The following NBEAL2 variants were observed in gnomAD, a reference collection of about 807,000 sequenced individuals.
The protein encoded by NBEAL2 is neurobeachin like 2.
In NBEAL2, 160 loss-of-function variants were observed where a neutral mutation model predicts 299.8. That is an observed-to-expected ratio of 0.53 (90% CI 0.47 to 0.61). The LOEUF (loss-of-function observed/expected upper bound fraction) is 0.61, where lower values mean the gene tolerates loss of function less well. NBEAL2 is among the 20% of genes least tolerant of loss of function. The pLI, the probability that NBEAL2 is intolerant of heterozygous loss-of-function variation, is 0.00. For missense variants in NBEAL2, 3,112 were observed against 3,649.0 expected (o/e 0.85, Z 3.79); for synonymous variants, 1,493 against 1,542.3 (o/e 0.97, Z 0.75).
At chr3:46,984,183 G>A (rs1228866125) in intron 1 of NBEAL2, among the ~76,000 whole-genome samples, 2 of 151,906 alleles carry the variant, frequency 1.3e-5, no homozygotes, top group African/African-American at 2.4e-5. Context: ...GCGAGTGCCT[G>A]TAGTCCCAGC....
chr3:46,981,064 C>A (rs1263105617), intron 1 of NBEAL2, among the ~76,000 whole-genome samples: 1 of 152,224 alleles, frequency 6.6e-6, no homozygotes, highest in Non-Finnish European at 1.5e-5. Flanking sequence ...CAGGCCCCAG[C>A]AGGAGGCCAG....
chr3:46,984,150 A>AAAAAC (rs1553655129), intron 1 of NBEAL2, among the ~76,000 whole-genome samples: 1 of 146,836 alleles, frequency 6.8e-6, no homozygotes, highest in African/African-American at 2.5e-5. Context: ...AAAAAAAAAA[A>AAAAAC]AAAAAATTAG....
rs1422296669 is a variant in NBEAL2 at position 47,000,954 on chromosome 3, C to T, written c.4306-47C>T. 6.4e-7 allele frequency: 1 copy of T among 1,555,532 alleles called. No individual in the cohort carries two copies. The highest frequency in any genetic ancestry group is 8.7e-7 in the Non-Finnish European group (1 of 1,149,700). On this transcript the variant is annotated intron_variant, in intron 27 of 53. Transcript: ENST00000450053. The surrounding 1 kb of genome is among the most constrained non-coding windows in gnomAD (Gnocchi z 4.5). ...GGTGGGCGTCAGCCTGATTCCCTCC[C>T]TTAGCCGCCCACAACCCACGCCCAC...
At chr3:46,984,218 A>G (rs371899617) in intron 1 of NBEAL2, among the ~76,000 whole-genome samples, 44 of 152,070 alleles carry the variant, frequency 2.9e-4, no homozygotes, top group African/African-American at 1.0e-3. Flanking sequence ...AGGCAGGAGA[A>G]TGGTGTGAAC....
rs2035405448 is a variant in NBEAL2, at chr3:46,982,371, T to C, written c.51+2459T>C. Among the ~76,000 whole-genome samples the C allele has an allele frequency of 6.6e-6, 1 of 151,850 alleles. No homozygotes were observed. Among genetic ancestry groups the C allele is most frequent in the African/African-American group, 2.4e-5 (1 of 41,340 alleles). ...CCCCAGTTGTGGGTCTGGGTGGGGA[T>C]GGAGAGGGGGGAGTAACTCCTTCCT... is the stretch of plus-strand genomic sequence containing the variant. On this transcript the variant is annotated intron_variant, in intron 1 of 53. Coordinates refer to ENST00000450053, the MANE Select transcript of NBEAL2 (RefSeq NM_015175.3). The surrounding 1 kb of genome is among the most constrained non-coding windows in gnomAD (Gnocchi z 4.2).
Position 47,004,317 on chromosome 3 carries a change from G to A in NBEAL2, c.6122G>A (p.Arg2041His), listed in dbSNP as rs374051242. The A allele has an allele frequency of 3.7e-6, 6 of 1,611,336 alleles. No homozygotes were observed. The highest frequency in any genetic ancestry group is 2.7e-5 in the African/African-American group (2 of 74,792). ...AACCAGGTGTACTCGTGGCTCCTGC[G>A]CCTACGGCCCCCCTCTCAAGGCTAC... ...VRNQVYSWLL[R>H]LRPPSQGYLS... The change falls in exon 37 of 54, where the codon CGC becomes CAC. Residue 2041 changes from arginine (R) to histidine (H), a missense_variant. Physicochemically the swap from Arg to His is conservative, Grantham distance 29 (BLOSUM62 0). Coordinates refer to ENST00000450053, the MANE Select transcript of NBEAL2 (RefSeq NM_015175.3). This position sits in a 1 kb window ranked among gnomAD's most constrained non-coding sequence, Gnocchi z 5.0.
At chr3:47,008,016 C>T in intron 49 of NBEAL2, 54 bp from the exon 50 acceptor site, 15 of 1,595,752 alleles carry the variant, frequency 9.4e-6, no homozygotes, top group Non-Finnish European at 1.3e-5. Flanking sequence ...TGGACAAGGC[C>T]TTCATTTCCT....
At position 46,995,463 on chromosome 3, in the gene NBEAL2, T is replaced by G. The variant is rs772273759; in HGVS notation, c.1728T>G (p.Arg576=). The G allele has an allele frequency of 8.7e-6, 14 of 1,612,872 alleles. No individual in the cohort carries two copies. The highest frequency in any genetic ancestry group is 1.3e-5 in the African/African-American group (1 of 75,070). ...SGMARHQGPA[R]ALRYFDLTPS... is the part of the protein sequence containing the mutation. Reference sequence around the variant, plus strand: ...TGGCCAGGCACCAGGGTCCTGCACGTGCTCTGCGCTACTTTGACCTCACGC... The same window carrying G: ...TGGCCAGGCACCAGGGTCCTGCACGGGCTCTGCGCTACTTTGACCTCACGC... Residue 576 remains arginine (R), a synonymous_variant, in exon 13 of 54, where the codon CGT becomes CGG. Coordinates refer to ENST00000450053, the MANE Select transcript of NBEAL2 (RefSeq NM_015175.3).
chr3:46,999,959 T>A lies in NBEAL2; in HGVS notation c.3860T>A (p.Val1287Glu). 1 of 1,611,996 alleles carries A rather than the reference T, an allele frequency of 6.2e-7. No homozygotes were observed. The highest frequency in any genetic ancestry group is 1.7e-5 in the Admixed American group (1 of 60,006). The stretch of plus-strand genomic sequence containing the variant: ...GCCCGACAGGCTGGCTGGCAAGATG[T>A]GCTGACCCGGCTATATGTCCTGGAG... ...LLARQAGWQD[V>E]LTRLYVLEAA... The change falls in exon 27 of 54, where the codon GTG becomes GAG. Residue 1287 changes from valine to glutamate, a missense_variant. By Grantham distance (121) the Val-to-Glu change is moderately radical. Coordinates refer to ENST00000450053, the MANE Select transcript of NBEAL2 (RefSeq NM_015175.3).
At chr3:46,987,856 T>C in intron 1 of NBEAL2, 1 of 291,836 alleles carries the variant, frequency 3.4e-6, no homozygotes, top group Non-Finnish European at 5.1e-6. Context: ...GCTTGCAGCC[T>C]CTCTCACTGG....
At position 47,002,173 on chromosome 3, in the gene NBEAL2, TG is replaced by T; in HGVS notation, c.5040del (p.Leu1681CysfsTer69). 1 of 1,533,728 alleles carries T rather than the reference TG, an allele frequency of 6.5e-7. No homozygotes were observed. Among genetic ancestry groups the T allele is most frequent in the Non-Finnish European group, 8.8e-7 (1 of 1,135,772 alleles). On this transcript the variant is annotated frameshift_variant, in exon 31 of 54. Coordinates refer to ENST00000450053, the MANE Select transcript of NBEAL2 (RefSeq NM_015175.3). LOFTEE classifies it high-confidence loss of function. ...CTGCTAGACCGTGCCTATGAGCCGC[TG>T]GGGCTGCAGTGGGGACTGCCCTCCC... ...RTLLDRAYEPLGLQWGLPSLP... is the reference protein window; with the variant it reads ...RTLLDRAYEPXGLQWGLPSLP...
Position 46,995,757 on chromosome 3 carries a change from G to A in NBEAL2, c.1942G>A (p.Ala648Thr), listed in dbSNP as rs767774441. 6.2e-7 allele frequency: 1 copy of A among 1,613,728 alleles called. No individual in the cohort carries two copies. Among genetic ancestry groups the A allele is most frequent in the Non-Finnish European group, 8.5e-7 (1 of 1,179,870 alleles). The part of the protein sequence containing the change: ...SGSGFEAFFT[A>T]AGTLVVAVCT... ...CTCAGGGTTTGAGGCCTTCTTCACG[G>A]CGGCCGGGACCCTGGTGGTGGCTGT... Residue 648 changes from alanine (A) to threonine (T), a missense_variant, in exon 14 of 54, where the codon GCG becomes ACG. Transcript: ENST00000450053.
At position 46,995,834 on chromosome 3, in the gene NBEAL2, C is replaced by T. The variant is rs758132376; in HGVS notation, c.2019C>T (p.Ala673=). ...TGAGTTTGCCCGAAGTGTCCTTTGC[C>T]GACTCTGCCTGGGTGAGACCCCATC... ...LTMSLPEVSF[A]DSAWHCVAIV... The change falls in exon 14 of 54, where the codon GCC becomes GCT. Residue 673 remains alanine (A), a synonymous_variant. Coordinates refer to ENST00000450053, the MANE Select transcript of NBEAL2 (RefSeq NM_015175.3). 36 of 1,613,814 alleles carry T rather than the reference C, an allele frequency of 2.2e-5. No homozygotes were observed. Among genetic ancestry groups the T allele is most frequent in the Non-Finnish European group, 2.9e-5 (34 of 1,179,848 alleles).
rs992998627 is a variant in NBEAL2, at chr3:46,989,743, G to A, written c.556+150G>A. 1 of 741,256 alleles carries A rather than the reference G, an allele frequency of 1.3e-6. No individual in the cohort carries two copies. The allele number at this position is 741,256 out of a possible 1,614,324, so 45.9% of individuals were successfully genotyped here. A position where few individuals can be genotyped will look rare whatever the true frequency, so the allele number is the denominator to read the frequency against. ...AAGACCAAGCAAGAGTTTAGGGACA[G>A]AGACAAGAGAAGACATCTTGGGCTG... is the stretch of plus-strand genomic sequence containing the variant. On this transcript the variant is annotated intron_variant, in intron 6 of 53. Transcript: ENST00000450053. The surrounding 1 kb of genome is among the most constrained non-coding windows in gnomAD (Gnocchi z 5.5).
chr3:47,007,426 G>A lies in NBEAL2; in HGVS notation c.7334+76G>A, dbSNP rs1454288585. ...AATTATTCCCCTCCCTAATCAGAAT[G>A]TAGGCCAGCTGCAGGGGAAAGGTCT... On this transcript the variant is annotated intron_variant, in intron 47 of 53. Coordinates refer to ENST00000450053, the MANE Select transcript of NBEAL2 (RefSeq NM_015175.3). The A allele has an allele frequency of 2.6e-6, 4 of 1,552,394 alleles. No individual in the cohort carries two copies. The East Asian group carries it at 9.6e-5, about 37-fold the overall frequency.
At position 47,006,185 on chromosome 3, in the gene NBEAL2, G is replaced by T. The variant is rs907373015; in HGVS notation, c.6940G>T (p.Val2314Leu). The T allele has an allele frequency of 6.2e-7, 1 of 1,613,806 alleles. No individual in the cohort carries two copies. The highest frequency in any genetic ancestry group is 1.3e-5 in the African/African-American group (1 of 74,928). The change falls in exon 44 of 54, where the codon GTG becomes TTG. Residue 2314 changes from valine to leucine, a missense_variant. This residue lies in a region of NBEAL2 where 521 missense variants were observed against 729.6 expected (regional missense o/e 0.71). Transcript: ENST00000450053. ...TYEGAVDLDH[V>L]TDERERKALE... ...CCCAGGGGCTGTAGACCTGGACCAT[G>T]TGACAGATGAGCGGGAACGGAAGGC...
intron 40 of NBEAL2, 43 bp downstream of exon 40, chr3:47,005,364 G>A: frequency 6.3e-7 from 1 of 1,590,078 alleles, no homozygotes; most frequent in Non-Finnish European, 8.6e-7. Flanking sequence ...GGCAGATAAG[G>A]GGAGGAGGCT....
rs935514823 is a variant in NBEAL2 at position 46,979,848 on chromosome 3, A to AGCCGG, written c.-5_-1dup. ...GACAGGTGGCGCGCAGCAGGGCCGG[A>AGCCGG]GCCGGGCCGGGCCATGGCCGCCTCG... On this transcript the variant is annotated 5_prime_UTR_variant, in exon 1 of 54. Transcript: ENST00000450053. 9 of 450,766 alleles carry AGCCGG rather than the reference A, an allele frequency of 2.0e-5. No homozygotes were observed. The highest frequency in any genetic ancestry group is 1.4e-4 in the African/African-American group (7 of 48,688). The allele number at this position is 450,766 out of a possible 1,614,324, so 27.9% of individuals were successfully genotyped here.
At chr3:47,006,567 C>T (rs2037460228) in intron 45 of NBEAL2, 118 bp downstream of exon 45, 2 of 1,009,398 alleles carry the variant, frequency 2.0e-6, no homozygotes, top group Non-Finnish European at 3.0e-6. Context: ...TTCAAGGCAC[C>T]TTAGAAAATG....
Sources: allele counts gnomAD v4.1 joint callset (sites outside exome capture counted in the v4.1 genomes callset), GRCh38; gene constraint gnomAD v4.1.1; regional missense constraint gnomAD v4.1.1; non-coding constraint Gnocchi (gnomAD v3.1); transcripts MANE v1.5; gene names NCBI Gene and HGNC (gene_info 2026-07-23, HGNC 2026-07-21).